Variants in ROS1 observed in about 807,000 individuals in gnomAD.
ROS1 encodes proto-oncogene tyrosine-protein kinase ROS.
ROS1 carries 263 observed loss-of-function variants against 273.5 expected under a neutral mutation model. The ratio of observed to expected loss-of-function variants is 0.96; its 90% CI spans 0.87 to 1.06. The LOEUF (loss-of-function observed/expected upper bound fraction) is 1.06. ROS1 is among the 50% of genes least tolerant of loss of function. ROS1 has a pLI of 0.00. For synonymous variants in ROS1, 1,008 were observed against 954.1 expected (o/e 1.06, Z -1.04); for missense variants, 2,833 against 2,751.1 (o/e 1.03, Z -0.67).
chr6:117,292,055 T>C (rs562239836), intron 43 of ROS1, among the ~76,000 whole-genome samples: 7 of 151,892 alleles, frequency 4.6e-5, no homozygotes, highest in Admixed American at 3.9e-4. Flanking sequence ...CTGCAAGCTC[T>C]GCCTCCCAGG....
intron 14 of ROS1, among the ~76,000 whole-genome samples, chr6:117,387,543 T>G (rs1204127641): frequency 1.3e-5 from 2 of 152,206 alleles, no homozygotes; most frequent in African/African-American, 4.8e-5. Context: ...AAAAATATCT[T>G]GGAAAGTTTA....
In ROS1 at chr6:117,357,992, C is replaced by T; in HGVS notation, c.3651G>A (p.Leu1217=). ...RSSSELFQDS[L]VFDITVITID... is the part of the protein sequence containing the mutation. ...TTGTAATAACTGTGATATCAAAAAC[C>T]AGTGAATCTTGGAAAAGCTTAACAA... Residue 1217 remains leucine (L), a synonymous_variant, in exon 25 of 44, where the codon CTG becomes CTA. Coordinates refer to ENST00000368507, the MANE Select transcript of ROS1 (RefSeq NM_001378902.1). The T allele has an allele frequency of 6.2e-7, 1 of 1,612,916 alleles. No individual in the cohort carries two copies. The highest frequency in any genetic ancestry group is 1.1e-5 in the South Asian group (1 of 90,948).
intron 36 of ROS1, 130 bp from the exon 37 acceptor site, chr6:117,320,160 T>C (rs1459358350): frequency 2.6e-6 from 2 of 770,276 alleles, no homozygotes; most frequent in Non-Finnish European, 4.1e-6. Context: ...GTGTGTTTTA[T>C]GTGACACGGT....
chr6:117,322,545 T>C (rs1776354485), intron 35 of ROS1, among the ~76,000 whole-genome samples: 1 of 152,194 alleles, frequency 6.6e-6, no homozygotes, highest in Non-Finnish European at 1.5e-5. Context: ...AGTTGTATTT[T>C]ACAGGTTTAC....
chr6:117,370,399 T>A lies in ROS1; in HGVS notation c.2583-4109A>T, dbSNP rs552201405. Among the ~76,000 whole-genome samples, 6 of 152,296 alleles carry A rather than the reference T, an allele frequency of 3.9e-5. No homozygotes were observed. The South Asian group carries it at 1.2e-3, about 32-fold the overall frequency. ...TCCTGACCATTCCTCTGATTAACAA[T>A]GTGATATTAGGAAAATGTGTGAATA... On this transcript the variant is annotated intron_variant, in intron 18 of 43. Coordinates refer to ENST00000368507, the MANE Select transcript of ROS1 (RefSeq NM_001378902.1).
intron 36 of ROS1, among the ~76,000 whole-genome samples, chr6:117,320,393 A>T (rs1237263587): frequency 2.0e-5 from 3 of 152,154 alleles, no homozygotes; most frequent in African/African-American, 7.2e-5. Flanking sequence ...ATTAGTAATA[A>T]ATGCATCTGG....
Position 117,414,564 on chromosome 6 carries a change from A to C in ROS1, c.229-19T>G, listed in dbSNP as rs1317624291. 1.4e-6 allele frequency: 1 copy of C among 719,212 alleles called. No homozygotes were observed. The highest frequency in any genetic ancestry group is 2.5e-6 in the Non-Finnish European group (1 of 401,292). 44.6% of individuals were successfully genotyped at this position (719,212 alleles called of 1,614,324 possible). On this transcript the variant is annotated intron_variant, in intron 3 of 43. Transcript: ENST00000368507. ...TATCATTCTGCATAGAAAAAAAAAA[A>C]GACTACTTAAAATCTTGAAAGTTGT...
In ROS1 at chr6:117,359,990, A is replaced by G; in HGVS notation, c.3452T>C (p.Leu1151Pro). 1 of 1,613,616 alleles carries G rather than the reference A, an allele frequency of 6.2e-7. No homozygotes were observed. Among genetic ancestry groups the G allele is most frequent in the Non-Finnish European group, 8.5e-7 (1 of 1,179,748 alleles). ...TTSEINPFPH[L>P]ITLLGNKIVF... ...TATCTTGTTACCAAGAAGAGTTATG[A>G]GGTGAGGAAATGGGTTGATTTCTGA... Residue 1151 changes from leucine to proline, a missense_variant, in exon 24 of 44, where the codon CTC becomes CCC. Physicochemically the swap from Leu to Pro is moderately conservative, Grantham distance 98. Transcript: ENST00000368507.
At chr6:117,307,397 TTC>T (rs1775187593) in intron 42 of ROS1, among the ~76,000 whole-genome samples, 2 of 152,146 alleles carry the variant, frequency 1.3e-5, no homozygotes, top group African/African-American at 4.8e-5. Flanking sequence ...TGGCAAAAAT[TTC>T]TGAGTGTTTG....
chr6:117,421,223 T>C (rs1405113352), intron 1 of ROS1, among the ~76,000 whole-genome samples: 1 of 147,422 alleles, frequency 6.8e-6, no homozygotes, highest in Non-Finnish European at 1.5e-5. Context: ...ATTGGAATTA[T>C]ATATATTATA....
At chr6:117,389,036 A>C (rs1772829750) in intron 13 of ROS1, among the ~76,000 whole-genome samples, 2 of 152,178 alleles carry the variant, frequency 1.3e-5, no homozygotes, top group South Asian at 4.1e-4. Context: ...CAGCACAAAA[A>C]ATCTCAACCC....
At chr6:117,307,302 G>A (rs746592683) in intron 42 of ROS1, among the ~76,000 whole-genome samples, 6 of 152,080 alleles carry the variant, frequency 3.9e-5, no homozygotes, top group African/African-American at 1.2e-4. Context: ...TGATTGTGAC[G>A]AGGCACGTTA....
chr6:117,347,210 T>C (rs1209803644), intron 27 of ROS1, among the ~76,000 whole-genome samples: 1 of 152,190 alleles, frequency 6.6e-6, no homozygotes, highest in East Asian at 1.9e-4. Context: ...GGAATATCTC[T>C]ATACTTATTT....
intron 20 of ROS1, 44 bp downstream of exon 20, chr6:117,365,537 A>C: frequency 4.0e-6 from 6 of 1,495,088 alleles, no homozygotes; most frequent in Non-Finnish European, 5.6e-6. Flanking sequence ...CACAGATGGT[A>C]CAGTCTGTTT....
chr6:117,388,133 C>T, intron 13 of ROS1, 141 bp from the exon 14 acceptor site: 1 of 1,304,922 alleles, frequency 7.7e-7, no homozygotes, highest in Non-Finnish European at 1.1e-6. Context: ...CGATAATCAC[C>T]AGGGATCATT....
intron 39 of ROS1, among the ~76,000 whole-genome samples, chr6:117,312,616 C>A (rs1432879263): frequency 6.6e-6 from 1 of 152,104 alleles, no homozygotes; most frequent in Non-Finnish European, 1.5e-5. Flanking sequence ...TCCCTAATTT[C>A]AGTCTGGTGG....
Position 117,389,549 on chromosome 6 carries a change from C to T in ROS1, c.1587G>A (p.Gln529=). 6.2e-7 allele frequency: 1 copy of T among 1,614,204 alleles called. No homozygotes were observed. The highest frequency in any genetic ancestry group is 2.2e-5 in the East Asian group (1 of 44,888). Reference sequence around the variant, plus strand: ...TGAATTCATTAAAAGACAAAGCATCCTGTTGGAAAATGACCTTGCCATCTG... The same window carrying T: ...TGAATTCATTAAAAGACAAAGCATCTTGTTGGAAAATGACCTTGCCATCTG... ...LVTDGKVIFQ[Q]DALSFNEFIV... is the part of the protein sequence containing the mutation. Residue 529 remains glutamine (Q), a synonymous_variant, in exon 13 of 44, where the codon CAG becomes CAA. Coordinates refer to ENST00000368507, the MANE Select transcript of ROS1 (RefSeq NM_001378902.1).
intron 14 of ROS1, 60 bp downstream of exon 14, chr6:117,387,720 G>A (rs775681791): frequency 1.5e-4 from 233 of 1,538,176 alleles, no homozygotes; most frequent in Non-Finnish European, 2.0e-4. Context: ...AAATTTAAAG[G>A]GCACTCAGCT....
chr6:117,403,177 G>A lies in ROS1; in HGVS notation c.566C>T (p.Ser189Phe). 6.2e-7 allele frequency: 1 copy of A among 1,613,618 alleles called. No homozygotes were observed. Among genetic ancestry groups the A allele is most frequent in the Non-Finnish European group, 8.5e-7 (1 of 1,179,894 alleles). The change falls in exon 7 of 44, where the codon TCC (serine) becomes TTC (phenylalanine). Residue 189 changes from serine to phenylalanine, a missense_variant. Ser to Phe is a radical substitution (Grantham distance 155, BLOSUM62 -2). Transcript: ENST00000368507. ...AGTCCTGTAACTGGGACTTGGAGGG[G>A]AGTAGAGCTGCAGCTGCGCTGTGAA... ...WIFTAQLQLY[S>F]PPSPSYRTHP...
Sources: allele counts gnomAD v4.1 joint callset (sites outside exome capture counted in the v4.1 genomes callset), GRCh38; gene constraint gnomAD v4.1.1; transcripts MANE v1.5; gene names NCBI Gene and HGNC (gene_info 2026-07-23, HGNC 2026-07-21).